The following NIBAN1 variants were observed in gnomAD, a reference collection of about 807,000 sequenced individuals.
The protein encoded by NIBAN1 is niban apoptosis regulator 1.
In NIBAN1, 81 loss-of-function variants were observed where a neutral mutation model predicts 75.1. The ratio of observed to expected loss-of-function variants is 1.08; its 90% confidence interval spans 0.90 to 1.30. NIBAN1 has a LOEUF of 1.30. NIBAN1 is among the 50% of genes most tolerant of loss of function. The pLI, the probability that NIBAN1 is intolerant of heterozygous loss-of-function variation, is 0.00. For synonymous variants in NIBAN1, 436 were observed against 424.8 expected, an observed-to-expected ratio of 1.03 and a Z score of -0.32; for missense variants, 1,133 against 1,128.1, an observed-to-expected ratio of 1.00 and a Z score of -0.06.
At chr1:184,802,420 C>T (rs1178806307) in intron 12 of NIBAN1, among the ~76,000 whole-genome samples, 1 of 152,192 alleles carries the variant, frequency 6.6e-6, no homozygotes, top group South Asian at 2.1e-4. Context: ...AGCAGAACAT[C>T]TGTGTGCAAA....
intron 5 of NIBAN1, among the ~76,000 whole-genome samples, chr1:184,875,873 T>C (rs1656218779): frequency 6.6e-6 from 1 of 152,198 alleles, no homozygotes; most frequent in Non-Finnish European, 1.5e-5. Flanking sequence ...AAATCTGTGT[T>C]TTTTTAAGGA....
chr1:184,923,097 T>C (rs1244703107), intron 1 of NIBAN1, among the ~76,000 whole-genome samples: 5 of 152,346 alleles, frequency 3.3e-5, no homozygotes, highest in South Asian at 4.1e-4. Context: ...TTTTTGCTTT[T>C]GTTGCCCATG....
At chr1:184,888,854 T>G (rs758707486) in intron 4 of NIBAN1, among the ~76,000 whole-genome samples, 63 of 152,224 alleles carry the variant, frequency 4.1e-4, no homozygotes, top group Non-Finnish European at 8.2e-4. Context: ...GAAAATATAA[T>G]AATATGCATA....
chr1:184,812,887 G>A (rs1557873713), intron 9 of NIBAN1, among the ~76,000 whole-genome samples: 1 of 152,072 alleles, frequency 6.6e-6, no homozygotes, highest in Non-Finnish European at 1.5e-5. Flanking sequence ...CTCCTCCATG[G>A]ACTATCTTAA....
intron 1 of NIBAN1, among the ~76,000 whole-genome samples, chr1:184,953,269 G>A (rs1170090409): frequency 6.6e-6 from 1 of 152,200 alleles, no homozygotes; most frequent in African/African-American, 2.4e-5. Context: ...GCTAGCAAGA[G>A]ATGGGGCCAT....
Position 184,795,518 on chromosome 1 carries a change from T to C in NIBAN1, c.2246A>G (p.Glu749Gly). 2 of 1,613,876 alleles carry C rather than the reference T, an allele frequency of 1.2e-6. No homozygotes were observed. Among genetic ancestry groups the C allele is most frequent in the Non-Finnish European group, 1.7e-6 (2 of 1,179,974 alleles). ...GGCAGCTGCCTGACTGGGCTCTTTTTCCTCTTCTTCTTCATTTTCTTGGGG... is the reference window on the plus strand; with the variant it reads ...GGCAGCTGCCTGACTGGGCTCTTTTCCCTCTTCTTCTTCATTTTCTTGGGG... ...HVPQENEEEE[E>G]KEPSQAAAIH... The change falls in exon 14 of 14, where the codon GAA becomes GGA. Residue 749 changes from glutamate to glycine, a missense_variant. Coordinates refer to ENST00000367511, the MANE Select transcript of NIBAN1 (RefSeq NM_052966.4).
intron 1 of NIBAN1, among the ~76,000 whole-genome samples, chr1:184,917,469 A>C (rs888523842): frequency 6.7e-6 from 1 of 149,296 alleles, no homozygotes; most frequent in Non-Finnish European, 1.5e-5. Flanking sequence ...TCGGCCTCCC[A>C]AAGTGCTGGG....
chr1:184,885,633 TC>T (rs1656506159), intron 4 of NIBAN1, among the ~76,000 whole-genome samples: 1 of 152,240 alleles, frequency 6.6e-6, no homozygotes, highest in Non-Finnish European at 1.5e-5. Flanking sequence ...TGCCCTGCAC[TC>T]TCTCCCTCCT....
At chr1:184,820,741 C>T (rs917095483) in intron 8 of NIBAN1, among the ~76,000 whole-genome samples, 3 of 152,214 alleles carry the variant, frequency 2.0e-5, no homozygotes, top group African/African-American at 4.8e-5. Context: ...GTTTGGAGCC[C>T]GACTCTACCA....
At position 184,818,660 on chromosome 1, in the gene NIBAN1, TTGG is replaced by T. The variant is rs1364013497; in HGVS notation, c.1148_1150del (p.Thr383del). The T allele has an allele frequency of 1.2e-6, 2 of 1,609,778 alleles. No homozygotes were observed. The highest frequency in any genetic ancestry group is 2.2e-5 in the South Asian group (2 of 90,590). On this transcript the variant is annotated inframe_deletion, in exon 9 of 14. Transcript: ENST00000367511. ...TACCTCCTTTAGCTGGACACTGTCTTTGGTGGTCTGGAAGTTCTGGCTGACTTC... is the reference window on the plus strand; with the variant it reads ...TACCTCCTTTAGCTGGACACTGTCTTTGGTCTGGAAGTTCTGGCTGACTTC...
At chr1:184,856,319 G>A (rs1354041990) in intron 5 of NIBAN1, among the ~76,000 whole-genome samples, 1 of 152,040 alleles carries the variant, frequency 6.6e-6, no homozygotes, top group Non-Finnish European at 1.5e-5. Flanking sequence ...TTGTAAAATG[G>A]CAATCTTATT....
rs755108957 is a variant in NIBAN1 at position 184,880,672 on chromosome 1, C to T, written c.601+3961G>A. On this transcript the variant is annotated intron_variant, in intron 5 of 13. Coordinates refer to ENST00000367511, the MANE Select transcript of NIBAN1 (RefSeq NM_052966.4). The stretch of plus-strand genomic sequence containing the variant: ...CTGAGCTGGAAGAACAGACTTGCAT[C>T]GATAATGATCATTATTCCATATCGC... Among the ~76,000 whole-genome samples, 50 of 152,316 alleles carry T rather than the reference C, an allele frequency of 3.3e-4. 1 individual carries two copies. Among genetic ancestry groups the T allele is most frequent in the Admixed American group, 1.9e-3 (29 of 15,292 alleles).
At chr1:184,865,352 C>T (rs534592270) in intron 5 of NIBAN1, among the ~76,000 whole-genome samples, 1 of 152,216 alleles carries the variant, frequency 6.6e-6, no homozygotes, top group African/African-American at 2.4e-5. Flanking sequence ...CAAATTAACA[C>T]AGGAGCAGAA....
chr1:184,863,666 C>A (rs1435849357), intron 5 of NIBAN1, among the ~76,000 whole-genome samples: 1 of 152,144 alleles, frequency 6.6e-6, no homozygotes, highest in Admixed American at 6.5e-5. Context: ...TCCCTTCAAC[C>A]ACTGTCAGGT....
chr1:184,857,330 T>C (rs1571522876), intron 5 of NIBAN1, among the ~76,000 whole-genome samples: 1 of 152,194 alleles, frequency 6.6e-6, no homozygotes, highest in East Asian at 1.9e-4. Context: ...TGTGTCCTAA[T>C]GGCAGCCTTG....
chr1:184,936,273 T>C (rs1657958785), intron 1 of NIBAN1, among the ~76,000 whole-genome samples: 1 of 152,050 alleles, frequency 6.6e-6, no homozygotes, highest in Admixed American at 6.6e-5. Flanking sequence ...ACTCACAGAT[T>C]CCGGGAGTGT....
chr1:184,961,814 G>C (rs1658658584), intron 1 of NIBAN1, among the ~76,000 whole-genome samples: 1 of 152,222 alleles, frequency 6.6e-6, no homozygotes, highest in South Asian at 2.1e-4. Flanking sequence ...AGGCTTCTTT[G>C]CTCTTATAAG....
intron 1 of NIBAN1, among the ~76,000 whole-genome samples, chr1:184,928,364 G>C (rs1264640386): frequency 6.6e-6 from 1 of 152,126 alleles, no homozygotes. Context: ...GTGTGTTACT[G>C]GGTCACATGT....
At chr1:184,858,560 T>C (rs984659035) in intron 5 of NIBAN1, among the ~76,000 whole-genome samples, 7 of 152,170 alleles carry the variant, frequency 4.6e-5, no homozygotes, top group Admixed American at 6.5e-5. Context: ...ATACCTATGA[T>C]TGGCAGGGCT....
Sources: allele counts gnomAD v4.1 joint callset (sites outside exome capture counted in the v4.1 genomes callset), GRCh38; gene constraint gnomAD v4.1.1; transcripts MANE v1.5; gene names NCBI Gene and HGNC (gene_info 2026-07-23, HGNC 2026-07-21).